The following CHCHD3 variants were observed in gnomAD, a reference collection of about 807,000 sequenced individuals.
CHCHD3 encodes the protein coiled-coil-helix-coiled-coil-helix domain containing 3.
Under a neutral mutation model 38.2 loss-of-function variants are expected in CHCHD3, and 20 were observed. The ratio of observed to expected loss-of-function variants is 0.52; its 90% CI spans 0.37 to 0.76. CHCHD3 has a LOEUF of 0.76. CHCHD3 is among the 30% of genes least tolerant of loss of function. CHCHD3 has a pLI of 0.00. For synonymous variants in CHCHD3, 82 were observed against 100.0 expected, an observed-to-expected ratio of 0.82 and a Z score of 1.07; for missense variants, 245 against 279.2, an observed-to-expected ratio of 0.88 and a Z score of 0.87.
chr7:132,822,748 T>C (rs1156743584), intron 6 of CHCHD3, among the ~76,000 whole-genome samples: 1 of 152,174 alleles, frequency 6.6e-6, no homozygotes, highest in Non-Finnish European at 1.5e-5. Context: ...TACCAGTTCC[T>C]TAGGGTTTAG....
Position 133,070,226 on chromosome 7 carries a change from A to C in CHCHD3, c.85T>G (p.Ser29Ala), listed in dbSNP as rs1814780760. The change falls in exon 2 of 8, where the codon TCG (serine) becomes GCG (alanine). Residue 29 changes from serine (S) to alanine (A), a missense_variant. Coordinates refer to ENST00000262570, the MANE Select transcript of CHCHD3 (RefSeq NM_017812.4). Reference protein sequence around the residue: ...NITVVKGIRLSENVIDRMKES... With the variant: ...NITVVKGIRLAENVIDRMKES... ...TTCATTCGATCAATCACATTTTCCG[A>C]AAGCTGGAAAAGCAACATCAAAATA... The C allele has an allele frequency of 6.2e-7, 1 of 1,611,800 alleles. No homozygotes were observed. The highest frequency in any genetic ancestry group is 1.3e-5 in the African/African-American group (1 of 74,832).
chr7:132,878,037 TA>T (rs1659370714), intron 5 of CHCHD3, among the ~76,000 whole-genome samples: 1 of 152,038 alleles, frequency 6.6e-6, no homozygotes, highest in Non-Finnish European at 1.5e-5. Context: ...CTTAATCCCA[TA>T]AACCAAGTTT....
At chr7:133,016,797 C>T (rs1167678788) in intron 3 of CHCHD3, among the ~76,000 whole-genome samples, 1 of 152,176 alleles carries the variant, frequency 6.6e-6, no homozygotes, top group East Asian at 1.9e-4. Context: ...GTGTTCCTAA[C>T]ACAGCATTAC....
intron 6 of CHCHD3, among the ~76,000 whole-genome samples, chr7:132,817,147 T>C (rs78743995): frequency 1.3e-5 from 2 of 152,014 alleles, no homozygotes; most frequent in African/African-American, 2.4e-5. Flanking sequence ...GCAGCACTCA[T>C]CTGCTTTATG....
intron 2 of CHCHD3, among the ~76,000 whole-genome samples, chr7:133,050,960 G>A (rs1814146594): frequency 6.6e-6 from 1 of 152,190 alleles, no homozygotes; most frequent in Admixed American, 6.5e-5. Flanking sequence ...AGACTGCAGT[G>A]AGCTGAGATT....
intron 4 of CHCHD3, among the ~76,000 whole-genome samples, chr7:132,912,837 G>T (rs954429959): frequency 1.3e-5 from 2 of 152,214 alleles, no homozygotes; most frequent in Non-Finnish European, 2.9e-5. Flanking sequence ...TTACAGGCAT[G>T]AGCCACTGCG....
intron 4 of CHCHD3, among the ~76,000 whole-genome samples, chr7:132,903,865 C>A (rs370630979): frequency 6.6e-6 from 1 of 152,206 alleles, no homozygotes; most frequent in Non-Finnish European, 1.5e-5. Flanking sequence ...GAGATTCCCA[C>A]CCTTAAGCCT....
intron 5 of CHCHD3, among the ~76,000 whole-genome samples, chr7:132,867,926 C>A (rs911504976): frequency 1.3e-5 from 2 of 151,992 alleles, no homozygotes; most frequent in African/African-American, 4.8e-5. Context: ...GTATTTTTAC[C>A]ATATTTCGTA....
intron 5 of CHCHD3, among the ~76,000 whole-genome samples, chr7:132,865,740 C>G (rs932570966): frequency 1.3e-5 from 2 of 151,936 alleles, no homozygotes; most frequent in Admixed American, 1.3e-4. Context: ...AGGCAGCCCC[C>G]GAGCTTCTAC....
chr7:133,067,372 T>C (rs1228729757), intron 2 of CHCHD3, among the ~76,000 whole-genome samples: 4 of 152,214 alleles, frequency 2.6e-5, no homozygotes, highest in African/African-American at 7.2e-5. Flanking sequence ...GAAAATGTTT[T>C]AATTAAACTA....
chr7:132,875,460 G>A (rs1002859742), intron 5 of CHCHD3, among the ~76,000 whole-genome samples: 3 of 152,234 alleles, frequency 2.0e-5, no homozygotes, highest in South Asian at 2.1e-4. Context: ...CCAATGTATT[G>A]GGGTCTTCAT....
intron 5 of CHCHD3, among the ~76,000 whole-genome samples, chr7:132,862,363 T>C (rs1808517916): frequency 6.6e-6 from 1 of 152,204 alleles, no homozygotes; most frequent in Non-Finnish European, 1.5e-5. Context: ...CATGCAAACT[T>C]TTTGGTTTCC....
chr7:132,838,556 C>A, intron 5 of CHCHD3, 87 bp from the exon 6 acceptor site: 1 of 1,003,720 alleles, frequency 1.0e-6, no homozygotes, highest in South Asian at 1.4e-5. Flanking sequence ...ACACATAAAA[C>A]CTTGTTTCAG....
Position 132,982,647 on chromosome 7 carries a change from C to T in CHCHD3, c.252-7361G>A, listed in dbSNP as rs529117519. Among the ~76,000 whole-genome samples, 6 of 152,276 alleles carry T rather than the reference C, an allele frequency of 3.9e-5. No individual in the cohort carries two copies. The South Asian group carries it at 1.2e-3, about 32-fold the overall frequency. ...AGAGTTAGCATTTATTATGCTTACT[C>T]GTACCAGGTACAACTGTAAGCATTT... On this transcript the variant is annotated intron_variant, in intron 3 of 7. Transcript: ENST00000262570.
intron 3 of CHCHD3, among the ~76,000 whole-genome samples, chr7:133,006,045 C>T (rs533700481): frequency 7.9e-5 from 12 of 152,304 alleles, no homozygotes; most frequent in African/African-American, 2.9e-4. Flanking sequence ...TATTAAGTTA[C>T]AGATTTCTTA....
At chr7:132,949,898 C>A (rs961842581) in intron 4 of CHCHD3, among the ~76,000 whole-genome samples, 38 of 152,066 alleles carry the variant, frequency 2.5e-4, no homozygotes, top group African/African-American at 8.7e-4. Flanking sequence ...AAAAAGTAGA[C>A]ACAAGTTAGA....
intron 4 of CHCHD3, among the ~76,000 whole-genome samples, chr7:132,922,489 C>T (rs1810285135): frequency 2.0e-5 from 3 of 152,108 alleles, no homozygotes; most frequent in African/African-American, 7.2e-5. Context: ...CAGGCCAGGT[C>T]CATTCCCATA....
intron 7 of CHCHD3, among the ~76,000 whole-genome samples, chr7:132,786,776 T>A (rs912558685): frequency 6.6e-6 from 1 of 152,188 alleles, no homozygotes; most frequent in Non-Finnish European, 1.5e-5. Context: ...TCAGGAATAA[T>A]AAAAGGTAAT....
intron 3 of CHCHD3, among the ~76,000 whole-genome samples, chr7:133,002,874 T>G (rs998879572): frequency 5.9e-5 from 9 of 152,234 alleles, no homozygotes; most frequent in South Asian, 2.1e-4. Flanking sequence ...TTCCATTGGT[T>G]TAAATAGCAA....
Sources: allele counts gnomAD v4.1 joint callset (sites outside exome capture counted in the v4.1 genomes callset), GRCh38; gene constraint gnomAD v4.1.1; transcripts MANE v1.5; gene names NCBI Gene and HGNC (gene_info 2026-07-23, HGNC 2026-07-21).